HOMER1: variants seen among roughly 807,000 people sequenced by gnomAD.
The protein encoded by HOMER1 is homer protein homolog 1.
HOMER1 carries 3 observed loss-of-function variants against 48.9 expected under a neutral mutation model. The ratio of observed to expected loss-of-function variants is 0.06; its 90% CI spans 0.03 to 0.16. The LOEUF (loss-of-function observed/expected upper bound fraction) is 0.16, where lower values mean the gene tolerates loss of function less well. HOMER1 is among the 10% of genes least tolerant of loss of function. The pLI, the probability that HOMER1 is intolerant of heterozygous loss-of-function variation, is 1.00. For missense variants in HOMER1, 247 were observed against 411.4 expected, an observed-to-expected ratio of 0.60 and a Z score of 3.46; for synonymous variants, 134 against 146.4, an observed-to-expected ratio of 0.92 and a Z score of 0.61.
rs1318445346 is a variant in HOMER1 at position 79,372,878 on chromosome 5, G to GT, written c.*3130dup. On this transcript the variant is annotated 3_prime_UTR_variant, in exon 9 of 9. Transcript: ENST00000334082. ...TGGTGGTGTTGGCTTAATTTTGAGT[G>GT]TTCCTTTTATTTCCACCTGAAAAAA... 6.6e-6 allele frequency: 1 copy of GT among 152,048 alleles called. No individual in the cohort carries two copies. Among genetic ancestry groups the GT allele is most frequent in the African/African-American group, 2.4e-5 (1 of 41,406 alleles). The allele number at this position is 152,048 out of a possible 1,614,324, so 9.4% of individuals were successfully genotyped here.
chr5:79,471,364 G>A (rs1751613270), intron 1 of HOMER1, among the ~76,000 whole-genome samples: 1 of 151,794 alleles, frequency 6.6e-6, no homozygotes, highest in African/African-American at 2.4e-5. Context: ...GACCAACATG[G>A]TGAAACCCCG....
At chr5:79,511,107 T>C (rs1752930582) in intron 1 of HOMER1, among the ~76,000 whole-genome samples, 1 of 152,238 alleles carries the variant, frequency 6.6e-6, no homozygotes, top group Non-Finnish European at 1.5e-5. Flanking sequence ...TCTTCCATGA[T>C]GCTACTACTC....
At chr5:79,401,698 C>T (rs953419734) in intron 6 of HOMER1, among the ~76,000 whole-genome samples, 1 of 152,144 alleles carries the variant, frequency 6.6e-6, no homozygotes, top group Non-Finnish European at 1.5e-5. Flanking sequence ...TTGTTGACTT[C>T]AAAAGGCGTA....
intron 4 of HOMER1, among the ~76,000 whole-genome samples, chr5:79,446,636 TTC>T (rs754731732): frequency 1.3e-5 from 2 of 151,674 alleles, no homozygotes; most frequent in Non-Finnish European, 2.9e-5. Flanking sequence ...AAGGGTGCAT[TTC>T]TCTCTCTCTC....
At chr5:79,446,751 C>T (rs937896592) in intron 4 of HOMER1, among the ~76,000 whole-genome samples, 3 of 151,668 alleles carry the variant, frequency 2.0e-5, no homozygotes, top group African/African-American at 4.8e-5. Flanking sequence ...GATCCTCCTA[C>T]CTCAGCTTCC....
In HOMER1 at chr5:79,399,878, G is replaced by C. The variant is rs73769651; in HGVS notation, c.684+2021C>G. 5.7e-3 allele frequency among the ~76,000 whole-genome samples: 860 copies of C among 152,212 alleles called. 7 individuals are homozygous for C. Among genetic ancestry groups the C allele is most frequent in the African/African-American group, 0.02 (827 of 41,536 alleles). On this transcript the variant is annotated intron_variant, in intron 6 of 8. Transcript: ENST00000334082. ...GCTCAAGGAGGTTATTCAGGCTGAAGGGAAACAATACCTGATAGAAATTCA... is the reference window on the plus strand; with the variant it reads ...GCTCAAGGAGGTTATTCAGGCTGAACGGAAACAATACCTGATAGAAATTCA...
Position 79,447,208 on chromosome 5 carries a change from C to T in HOMER1, c.295-63G>A. 4.1e-6 allele frequency: 4 copies of T among 966,808 alleles called. No individual in the cohort carries two copies. In the Admixed American group the frequency reaches 7.2e-5, roughly 17 times the overall value. The allele number at this position is 966,808 out of a possible 1,614,324, so 59.9% of individuals were successfully genotyped here. ...AATAGGTCACAGTGCCCACTTTTACCTTAGTAAAGTTATTCATTTTCTGAA... is the reference window on the plus strand; with the variant it reads ...AATAGGTCACAGTGCCCACTTTTACTTTAGTAAAGTTATTCATTTTCTGAA... On this transcript the variant is annotated intron_variant, in intron 3 of 8. Coordinates refer to ENST00000334082, the MANE Select transcript of HOMER1 (RefSeq NM_004272.5).
At chr5:79,415,970 T>A (rs1201873677) in intron 5 of HOMER1, among the ~76,000 whole-genome samples, 1 of 152,176 alleles carries the variant, frequency 6.6e-6, no homozygotes, top group Non-Finnish European at 1.5e-5. Context: ...CTTTATAGGG[T>A]GATTTTGAGG....
chr5:79,502,939 C>T (rs4518369), intron 1 of HOMER1, among the ~76,000 whole-genome samples: 75,665 of 151,386 alleles, frequency 0.5, 21,092 homozygotes, highest in African/African-American at 0.75. Context: ...TACAGGCGCC[C>T]GCCACCACGC....
chr5:79,420,153 T>C (rs1241919061), intron 5 of HOMER1, among the ~76,000 whole-genome samples: 2 of 152,220 alleles, frequency 1.3e-5, no homozygotes, highest in Non-Finnish European at 2.9e-5. Flanking sequence ...TCTATTGTCT[T>C]TTATGTATCT....
intron 5 of HOMER1, among the ~76,000 whole-genome samples, chr5:79,422,514 C>G (rs1750128477): frequency 6.6e-6 from 1 of 151,628 alleles, no homozygotes; most frequent in South Asian, 2.1e-4. Context: ...TGGTACCTAT[C>G]TATAGATTTT....
intron 1 of HOMER1, among the ~76,000 whole-genome samples, chr5:79,466,530 A>G (rs1200640853): frequency 6.7e-6 from 1 of 149,320 alleles, no homozygotes; most frequent in Non-Finnish European, 1.5e-5. Context: ...TAATAAATAA[A>G]TTACAATTAG....
At chr5:79,409,840 G>T (rs1166325022) in intron 5 of HOMER1, among the ~76,000 whole-genome samples, 1 of 152,146 alleles carries the variant, frequency 6.6e-6, no homozygotes, top group Non-Finnish European at 1.5e-5. Context: ...ACATCCACTA[G>T]GATGGCACTA....
intron 5 of HOMER1, among the ~76,000 whole-genome samples, chr5:79,428,696 AAAG>A (rs1171716343): frequency 1.3e-5 from 2 of 152,202 alleles, no homozygotes; most frequent in Non-Finnish European, 2.9e-5. Flanking sequence ...ATAGCACCAA[AAAG>A]AATAAAATCT....
Position 79,490,768 on chromosome 5 carries a change from CCAAAAAAAAAAA to C in HOMER1, c.5+21990_5+22001del, listed in dbSNP as rs924849494. Among the ~76,000 whole-genome samples, 85 of 125,030 alleles carry C rather than the reference CCAAAAAAAAAAA, an allele frequency of 6.8e-4. No homozygotes were observed. The South Asian group carries it at 0.014, about 20-fold the overall frequency. 82.0% of individuals were successfully genotyped at this position (125,030 alleles called of 152,430 possible). A position where few individuals can be genotyped will look rare whatever the true frequency, so the allele number is the denominator to read the frequency against. On this transcript the variant is annotated intron_variant, in intron 1 of 8. Transcript: ENST00000334082. Reference sequence around the variant, plus strand: ...CCAGTATAGCAAGACCCCATCTCTACCAAAAAAAAAAACAAAAAAAAAAACCATAAAAAAATT... The same window carrying C: ...CCAGTATAGCAAGACCCCATCTCTACCAAAAAAAAAAACCATAAAAAAATT...
rs187433622 is a variant in HOMER1 at position 79,429,160 on chromosome 5, G to C, written c.527+9850C>G. The stretch of plus-strand genomic sequence containing the variant: ...CACTTGAGGTCAGGAGTTCAAGACT[G>C]GCCTGGCCAACATGGTGAAATCCCG... On this transcript the variant is annotated intron_variant, in intron 5 of 8. Coordinates refer to ENST00000334082, the MANE Select transcript of HOMER1 (RefSeq NM_004272.5). Among the ~76,000 whole-genome samples the C allele has an allele frequency of 7.9e-5, 12 of 152,158 alleles. No individual in the cohort carries two copies. In the East Asian group the frequency reaches 2.3e-3, roughly 30 times the overall value.
chr5:79,494,565 T>G (rs1287815809), intron 1 of HOMER1, among the ~76,000 whole-genome samples: 1 of 152,212 alleles, frequency 6.6e-6, no homozygotes, highest in Non-Finnish European at 1.5e-5. Flanking sequence ...TAACCTATCT[T>G]GCAATTAAAT....
chr5:79,413,448 T>C (rs761116293), intron 5 of HOMER1, among the ~76,000 whole-genome samples: 17 of 152,090 alleles, frequency 1.1e-4, no homozygotes, highest in Non-Finnish European at 2.1e-4. Flanking sequence ...ACATTAAAAA[T>C]ATATATATTT....
chr5:79,476,051 T>C (rs531745628), intron 1 of HOMER1, among the ~76,000 whole-genome samples: 13 of 152,290 alleles, frequency 8.5e-5, no homozygotes, highest in African/African-American at 1.9e-4. Flanking sequence ...ACCGTTGTTA[T>C]TGAAATATTA....
Sources: allele counts gnomAD v4.1 joint callset (sites outside exome capture counted in the v4.1 genomes callset), GRCh38; gene constraint gnomAD v4.1.1; transcripts MANE v1.5; gene names NCBI Gene and HGNC (gene_info 2026-07-23, HGNC 2026-07-21).